The following AP5M1 variants were observed in gnomAD, a reference collection of about 807,000 sequenced individuals.
AP5M1 encodes the protein adaptor related protein complex 5 subunit mu 1.
In AP5M1, 44 loss-of-function variants were observed where a neutral mutation model predicts 52.3. That is an observed-to-expected ratio of 0.84 (90% CI 0.66 to 1.08). The LOEUF (loss-of-function observed/expected upper bound fraction) is 1.08, where lower values mean the gene tolerates loss of function less well. AP5M1 is among the 50% of genes least tolerant of loss of function. The pLI is 0.00. For missense variants in AP5M1, 526 were observed against 568.4 expected, an observed-to-expected ratio of 0.93 and a Z score of 0.76; for synonymous variants, 213 against 199.0, an observed-to-expected ratio of 1.07 and a Z score of -0.59.
intron 6 of AP5M1, among the ~76,000 whole-genome samples, chr14:57,284,223 T>G (rs921492021): frequency 6.6e-6 from 1 of 152,190 alleles, no homozygotes; most frequent in African/African-American, 2.4e-5. Context: ...AACATTTGTT[T>G]AGGTAAAGAA....
At chr14:57,286,342 AACTT>A (rs1566519561) in intron 7 of AP5M1, 23 bp downstream of exon 7, 4 of 1,421,892 alleles carry the variant, frequency 2.8e-6, no homozygotes, top group East Asian at 2.3e-5. Context: ...GATTCAAACT[AACTT>A]AAGGGAATTA....
At chr14:57,286,445 G>A in intron 7 of AP5M1, 126 bp downstream of exon 7, 1 of 666,286 alleles carries the variant, frequency 1.5e-6, no homozygotes, top group Non-Finnish European at 2.6e-6. Context: ...TAAAATTCTG[G>A]GCTGATTCTA....
At chr14:57,282,577 A>G (rs1171793519) in intron 4 of AP5M1, among the ~76,000 whole-genome samples, 1 of 152,202 alleles carries the variant, frequency 6.6e-6, no homozygotes, top group Non-Finnish European at 1.5e-5. Context: ...ATATTACTTT[A>G]TTATCAATTC....
In AP5M1 at chr14:57,292,985, G is replaced by C. The variant is rs1885472232; in HGVS notation, c.*4101G>C. The stretch of plus-strand genomic sequence containing the variant: ...GCTTTTTTAAAAAAAAAAAGTGACA[G>C]CATTACCAAAATAGCCGAGTAATTA... On this transcript the variant is annotated 3_prime_UTR_variant, in exon 8 of 8. Coordinates refer to ENST00000261558, the MANE Select transcript of AP5M1 (RefSeq NM_018229.4). The C allele has an allele frequency of 6.6e-6, 1 of 151,326 alleles. No homozygotes were observed. The highest frequency in any genetic ancestry group is 2.1e-4 in the South Asian group (1 of 4,828). 9.4% of individuals were successfully genotyped at this position (151,326 alleles called of 1,614,324 possible).
chr14:57,291,498 ATAGTACT>A lies in AP5M1; in HGVS notation c.*2618_*2624del, dbSNP rs1269734987. The A allele has an allele frequency of 6.6e-6, 1 of 151,880 alleles. No individual in the cohort carries two copies. Among genetic ancestry groups the A allele is most frequent in the Non-Finnish European group, 1.5e-5 (1 of 67,854 alleles). 9.4% of individuals were successfully genotyped at this position (151,880 alleles called of 1,614,324 possible). ...TTAAAAACTTTTTAGAGCCAGCAAT[ATAGTACT>A]TAGGCAATACCCTTACGGTGGTGGC... On this transcript the variant is annotated 3_prime_UTR_variant, in exon 8 of 8. Transcript: ENST00000261558.
intron 1 of AP5M1, among the ~76,000 whole-genome samples, chr14:57,271,701 T>G (rs1884900882): frequency 6.6e-6 from 1 of 152,240 alleles, no homozygotes; most frequent in Admixed American, 6.5e-5. Context: ...AGTTAATTGC[T>G]TTTGGGAATT....
In AP5M1 at chr14:57,283,227, A is replaced by G. The variant is rs1291275133; in HGVS notation, c.1290A>G (p.Leu430=). 3 of 1,587,370 alleles carry G rather than the reference A, an allele frequency of 1.9e-6. No homozygotes were observed. Among genetic ancestry groups the G allele is most frequent in the Non-Finnish European group, 2.6e-6 (3 of 1,157,702 alleles). The change falls in exon 6 of 8, where the codon TTA becomes TTG. Residue 430 remains leucine (L), a synonymous_variant. Coordinates refer to ENST00000261558, the MANE Select transcript of AP5M1 (RefSeq NM_018229.4). ...DPICTGETAY[L]KLHFRILDYT... Reference sequence around the variant, plus strand: ...TTTGTACTGGAGAAACAGCATATTTAAAGGTAAACATATTTATACAGCTCA... The same window carrying G: ...TTTGTACTGGAGAAACAGCATATTTGAAGGTAAACATATTTATACAGCTCA...
Position 57,280,271 on chromosome 14 carries a change from T to C in AP5M1, c.797T>C (p.Ile266Thr), listed in dbSNP as rs1365815524. 2.5e-6 allele frequency: 4 copies of C among 1,614,110 alleles called. No homozygotes were observed. Among genetic ancestry groups the C allele is most frequent in the Admixed American group, 3.3e-5 (2 of 60,026 alleles). Residue 266 changes from isoleucine (I) to threonine (T), a missense_variant, in exon 3 of 8, where the codon ATT (isoleucine) becomes ACT (threonine). Physicochemically the swap from Ile to Thr is moderately conservative, Grantham distance 89. This residue lies in a region of AP5M1 where 425 missense variants were observed against 430.6 expected (regional missense o/e 0.99). Coordinates refer to ENST00000261558, the MANE Select transcript of AP5M1 (RefSeq NM_018229.4). ...ACCAATGGATCTCCACTTCAGGATA[T>C]TCTAGTTCACCCTTGTGTAACTTCT... ...LPTNGSPLQD[I>T]LVHPCVTSLD...
At position 57,269,196 on chromosome 14, in the gene AP5M1, A is replaced by G. The variant is rs140243229; in HGVS notation, c.-119A>G. ...AACCTCTCTGCTGAGCGCGACCGGT[A>G]TGCGGCGCAGGATGAGCCTCAGGGC... On this transcript the variant is annotated 5_prime_UTR_variant, in exon 1 of 8. An upstream start codon of the reference 5' UTR is lost. Transcript: ENST00000261558. 6.4e-6 allele frequency: 6 copies of G among 943,742 alleles called. 1 individual carries two copies. Among genetic ancestry groups the G allele is most frequent in the African/African-American group, 3.3e-5 (2 of 60,702 alleles). The allele number at this position is 943,742 out of a possible 1,614,324, so 58.5% of individuals were successfully genotyped here.
At position 57,280,722 on chromosome 14, in the gene AP5M1, G is replaced by A. The variant is rs140787371; in HGVS notation, c.948+300G>A. On this transcript the variant is annotated intron_variant, in intron 3 of 7. Coordinates refer to ENST00000261558, the MANE Select transcript of AP5M1 (RefSeq NM_018229.4). ...AAAAGTTAGCCAGGCGTGGTGTCATGCACCTGTAATCCCATCTACTTGGGT... is the reference window on the plus strand; with the variant it reads ...AAAAGTTAGCCAGGCGTGGTGTCATACACCTGTAATCCCATCTACTTGGGT... Among the ~76,000 whole-genome samples, 1,123 of 152,104 alleles carry A rather than the reference G, an allele frequency of 7.4e-3. 21 individuals are homozygous for A. The highest frequency in any genetic ancestry group is 0.025 in the African/African-American group (1,042 of 41,490).
Position 57,292,994 on chromosome 14 carries a change from A to G in AP5M1, c.*4110A>G, listed in dbSNP as rs946087160. On this transcript the variant is annotated 3_prime_UTR_variant, in exon 8 of 8. Transcript: ENST00000261558. ...AAAAAAAAAAGTGACAGCATTACCA[A>G]AATAGCCGAGTAATTAAATTTTTTC... is the stretch of plus-strand genomic sequence containing the variant. The G allele has an allele frequency of 5.9e-5, 9 of 151,728 alleles. No homozygotes were observed. Among genetic ancestry groups the G allele is most frequent in the African/African-American group, 2.2e-4 (9 of 41,394 alleles). 9.4% of individuals were successfully genotyped at this position (151,728 alleles called of 1,614,324 possible). A position where few individuals can be genotyped will look rare whatever the true frequency, so the allele number is the denominator to read the frequency against.
intron 3 of AP5M1, among the ~76,000 whole-genome samples, chr14:57,281,661 C>G (rs142974740): frequency 1.3e-5 from 2 of 152,330 alleles, no homozygotes; most frequent in Admixed American, 6.5e-5. Flanking sequence ...TTGGCTCACC[C>G]CAGCCTACAA....
At chr14:57,282,250 C>T (rs1425079100) in intron 4 of AP5M1, 22 bp downstream of exon 4, 1 of 1,483,836 alleles carries the variant, frequency 6.7e-7, no homozygotes, top group Non-Finnish European at 8.9e-7. Context: ...ATGCATATTG[C>T]CATAATTTCT....
At position 57,292,104 on chromosome 14, in the gene AP5M1, T is replaced by C. The variant is rs1270951454; in HGVS notation, c.*3220T>C. On this transcript the variant is annotated 3_prime_UTR_variant, in exon 8 of 8. Coordinates refer to ENST00000261558, the MANE Select transcript of AP5M1 (RefSeq NM_018229.4). Reference sequence around the variant, plus strand: ...GACATCATTTAGATAGTTAGCTGTATTATCAGATTAGAAACCATTGTACCA... The same window carrying C: ...GACATCATTTAGATAGTTAGCTGTACTATCAGATTAGAAACCATTGTACCA... 1.3e-5 allele frequency: 2 copies of C among 151,902 alleles called. No homozygotes were observed. Among genetic ancestry groups the C allele is most frequent in the Non-Finnish European group, 2.9e-5 (2 of 67,872 alleles). The allele number at this position is 151,902 out of a possible 1,614,324, so 9.4% of individuals were successfully genotyped here. A position where few individuals can be genotyped will look rare whatever the true frequency, so the allele number is the denominator to read the frequency against.
chr14:57,277,629 G>A (rs760171638), intron 2 of AP5M1, among the ~76,000 whole-genome samples: 48 of 151,748 alleles, frequency 3.2e-4, no homozygotes, highest in Non-Finnish European at 4.6e-4. Context: ...ACTACTCTTC[G>A]TAATGCCTGC....
At position 57,273,574 on chromosome 14, in the gene AP5M1, A is replaced by G. The variant is rs1884944341; in HGVS notation, c.75-670A>G. On this transcript the variant is annotated intron_variant, in intron 1 of 7. Transcript: ENST00000261558. ...CTGTTTCCAAGCAAAGAAAAGATAA[A>G]TTAGTAACTGCTTACAGTTCAACTC... 4 of 536,278 alleles carry G rather than the reference A, an allele frequency of 7.5e-6. No homozygotes were observed. In the East Asian group the frequency reaches 1.1e-4, roughly 15 times the overall value. The allele number at this position is 536,278 out of a possible 1,614,324, so 33.2% of individuals were successfully genotyped here. A position where few individuals can be genotyped will look rare whatever the true frequency, so the allele number is the denominator to read the frequency against.
At chr14:57,278,689 A>G (rs1885096868) in intron 2 of AP5M1, 1 of 152,266 alleles carries the variant, frequency 6.6e-6, no homozygotes, top group Admixed American at 6.5e-5. Context: ...GAAAGCATTT[A>G]CAGGGAGAAA....
At chr14:57,287,747 A>G (rs1194778698) in intron 7 of AP5M1, among the ~76,000 whole-genome samples, 2 of 152,136 alleles carry the variant, frequency 1.3e-5, no homozygotes, top group Non-Finnish European at 2.9e-5. Flanking sequence ...AATAAAATCT[A>G]TTTTCATAAT....
At chr14:57,281,034 C>A (rs1303494694) in intron 3 of AP5M1, among the ~76,000 whole-genome samples, 1 of 151,780 alleles carries the variant, frequency 6.6e-6, no homozygotes, top group Non-Finnish European at 1.5e-5. Context: ...ACATAAAATA[C>A]CCCTCATCGC....
Sources: gnomAD v4.1 joint callset for allele counts (sites outside exome capture counted in the v4.1 genomes callset) on GRCh38, gnomAD v4.1.1 for gene constraint, gnomAD v4.1.1 regional missense constraint, MANE v1.5 for transcripts, NCBI Gene and HGNC (gene_info 2026-07-23, HGNC 2026-07-21) for gene names.